Variants in LRBA observed in about 807,000 individuals in gnomAD.
LRBA encodes the protein LPS responsive beige-like anchor protein, also known as lipopolysaccharide-responsive and beige-like anchor protein.
Under a neutral mutation model 330.0 loss-of-function variants are expected in LRBA, and 176 were observed. That is an observed-to-expected ratio of 0.53 (90% confidence interval 0.47 to 0.60). The LOEUF is 0.60. Ranked by LOEUF, LRBA falls within the 20% of genes least tolerant of loss-of-function variation. The probability of loss-of-function intolerance (pLI) is 0.00; values close to 1 mark genes in which losing one functional copy is unlikely to be tolerated. For synonymous variants in LRBA, 1,230 were observed against 1,193.0 expected, an observed-to-expected ratio of 1.03 and a Z score of -0.64; for missense variants, 3,259 against 3,444.8, an observed-to-expected ratio of 0.95 and a Z score of 1.35.
chr4:150,330,708 C>T (rs62346985), intron 48 of LRBA, among the ~76,000 whole-genome samples: 2 of 152,024 alleles, frequency 1.3e-5, no homozygotes, highest in African/African-American at 2.4e-5. Flanking sequence ...TCACCTCCTG[C>T]TATGCAGCCT....
chr4:150,980,429 C>T (rs1469511773), intron 2 of LRBA, among the ~76,000 whole-genome samples: 3 of 152,160 alleles, frequency 2.0e-5, no homozygotes, highest in African/African-American at 7.2e-5. Flanking sequence ...CAAAGATGCC[C>T]ACTATCACCA....
intron 34 of LRBA, among the ~76,000 whole-genome samples, chr4:150,789,639 T>C (rs1739607491): frequency 1.3e-5 from 2 of 152,152 alleles, no homozygotes; most frequent in African/African-American, 4.8e-5. Context: ...TTATATACTA[T>C]TCATCAAAAA....
At chr4:150,910,241 C>T (rs563309989) in intron 9 of LRBA, among the ~76,000 whole-genome samples, 1 of 152,260 alleles carries the variant, frequency 6.6e-6, no homozygotes, top group African/African-American at 2.4e-5. Flanking sequence ...AATTCAATGT[C>T]GTAAAGCTTT....
At chr4:150,985,713 T>C (rs1009103801) in intron 2 of LRBA, among the ~76,000 whole-genome samples, 3 of 152,088 alleles carry the variant, frequency 2.0e-5, no homozygotes, top group Non-Finnish European at 2.9e-5. Context: ...TTAGCCAGGA[T>C]AGTCTTGATC....
At chr4:150,908,015 C>T (rs1394905031) in intron 11 of LRBA, among the ~76,000 whole-genome samples, 2 of 151,914 alleles carry the variant, frequency 1.3e-5, no homozygotes, top group Admixed American at 1.3e-4. Flanking sequence ...TTTCTTATTG[C>T]ATTCTGAGTA....
At chr4:150,898,773 A>G (rs928430002) in intron 14 of LRBA, among the ~76,000 whole-genome samples, 1 of 152,122 alleles carries the variant, frequency 6.6e-6, no homozygotes, top group Non-Finnish European at 1.5e-5. Context: ...CAAAACTAGC[A>G]CCTAGGACAG....
At chr4:150,826,719 A>T (rs1393571773) in intron 30 of LRBA, among the ~76,000 whole-genome samples, 2 of 152,074 alleles carry the variant, frequency 1.3e-5, no homozygotes, top group African/African-American at 2.4e-5. Flanking sequence ...ACTGCCCTCA[A>T]ACGCAACTTC....
At chr4:150,549,040 G>A (rs991881085) in intron 40 of LRBA, among the ~76,000 whole-genome samples, 2 of 151,934 alleles carry the variant, frequency 1.3e-5, no homozygotes, top group African/African-American at 2.4e-5. Flanking sequence ...TGTTCCAACC[G>A]TAAATATTTA....
rs1164578591 is a variant in LRBA at position 150,265,820 on chromosome 4, A to T, written c.8469-8T>A. 1 of 1,575,362 alleles carries T rather than the reference A, an allele frequency of 6.3e-7. No individual in the cohort carries two copies. On this transcript the variant is annotated splice_region_variant and splice_polypyrimidine_tract_variant and intron_variant, in intron 56 of 56. Transcript: ENST00000651943. ...ATGCCAGAAATGATGCACCTAGGAG[A>T]AGCACAGAGAGAAGGACTTTTACAA...
chr4:150,396,728 G>A (rs1240975578), intron 47 of LRBA, among the ~76,000 whole-genome samples: 1 of 152,080 alleles, frequency 6.6e-6, no homozygotes, highest in Admixed American at 6.6e-5. Flanking sequence ...GCCTTTCCCA[G>A]GTACTGACAC....
chr4:150,976,952 C>A (rs929007991), intron 2 of LRBA, among the ~76,000 whole-genome samples: 3 of 152,192 alleles, frequency 2.0e-5, no homozygotes, highest in East Asian at 1.9e-4. Flanking sequence ...ACTGCACATC[C>A]CAGTGGCTGG....
chr4:150,512,719 A>G (rs1318823846), intron 40 of LRBA, among the ~76,000 whole-genome samples: 2 of 62,518 alleles, frequency 3.2e-5, no homozygotes, highest in Admixed American at 3.1e-4. Context: ...CTTTTTGAGA[A>G]AAAAAAAAAA....
At chr4:150,356,071 G>GT (rs927749219) in intron 47 of LRBA, among the ~76,000 whole-genome samples, 2 of 151,844 alleles carry the variant, frequency 1.3e-5, no homozygotes, top group Non-Finnish European at 2.9e-5. Context: ...GAAGAAAGCT[G>GT]TTTTTTTCAG....
chr4:150,893,896 C>T (rs1334893086), intron 16 of LRBA, among the ~76,000 whole-genome samples: 1 of 151,982 alleles, frequency 6.6e-6, no homozygotes, highest in Non-Finnish European at 1.5e-5. Context: ...AGGATGGTCT[C>T]GATCTCCTGA....
At chr4:150,346,429 G>C (rs575387948) in intron 48 of LRBA, among the ~76,000 whole-genome samples, 1 of 151,924 alleles carries the variant, frequency 6.6e-6, no homozygotes, top group African/African-American at 2.4e-5. Context: ...AAGTTTTAAC[G>C]GTCTTTAGCA....
At chr4:150,541,511 A>G (rs978781441) in intron 40 of LRBA, among the ~76,000 whole-genome samples, 1 of 152,226 alleles carries the variant, frequency 6.6e-6, no homozygotes, top group Admixed American at 6.5e-5. Context: ...CCAAATATAG[A>G]CATTTCTCCT....
At chr4:150,554,857 T>C (rs960410445) in intron 40 of LRBA, among the ~76,000 whole-genome samples, 2 of 152,108 alleles carry the variant, frequency 1.3e-5, no homozygotes, top group African/African-American at 4.8e-5. Context: ...AAAAACTCAT[T>C]AGGATGGCAA....
At chr4:150,785,201 T>C (rs1313236826) in intron 34 of LRBA, among the ~76,000 whole-genome samples, 3 of 152,082 alleles carry the variant, frequency 2.0e-5, no homozygotes, top group Non-Finnish European at 4.4e-5. Context: ...GTTGTCCTCT[T>C]ATGCTGAGTT....
intron 28 of LRBA, among the ~76,000 whole-genome samples, chr4:150,843,181 A>C (rs1471098336): frequency 6.6e-6 from 1 of 152,144 alleles, no homozygotes; most frequent in African/African-American, 2.4e-5. Flanking sequence ...AGCATCCAGT[A>C]TCATGTTTAA....
Sources: gnomAD v4.1 joint callset for allele counts (sites outside exome capture counted in the v4.1 genomes callset) on GRCh38, gnomAD v4.1.1 for gene constraint, MANE v1.5 for transcripts, NCBI Gene and HGNC (gene_info 2026-07-23, HGNC 2026-07-21) for gene names.